The following LRPPRC variants were observed in gnomAD, a reference collection of about 807,000 sequenced individuals.
LRPPRC encodes leucine rich pentatricopeptide repeat containing.
LRPPRC carries 120 observed loss-of-function variants against 180.3 expected under a neutral mutation model. The ratio of observed to expected loss-of-function variants is 0.67; its 90% CI spans 0.57 to 0.77. The LOEUF is 0.77. LRPPRC is among the 30% of genes least tolerant of loss of function. LRPPRC has a pLI of 0.00. For missense variants in LRPPRC, 2,012 were observed against 1,657.2 expected (o/e 1.21, Z -3.72); for synonymous variants, 723 against 600.0 (o/e 1.21, Z -3.00).
In LRPPRC at chr2:43,925,804, C is replaced by T. The variant is rs190847395; in HGVS notation, c.2805+89G>A. On this transcript the variant is annotated intron_variant, in intron 26 of 37. Transcript: ENST00000260665. ...ACTGCTTCCACAATGCCCTGTCTCT[C>T]GAAGTCCCCAAATCTTCATGTGATA... The T allele has an allele frequency of 1.3e-3, 1,080 of 852,344 alleles. 7 individuals carry two copies. The highest frequency in any genetic ancestry group is 2.7e-4 in the Admixed American group (16 of 58,884). 52.8% of individuals were successfully genotyped at this position (852,344 alleles called of 1,614,324 possible).
chr2:43,990,013 G>C (rs1674700378), intron 1 of LRPPRC, among the ~76,000 whole-genome samples: 1 of 152,068 alleles, frequency 6.6e-6, no homozygotes, highest in South Asian at 2.1e-4. Context: ...AGGATTTCGA[G>C]ACCAGCCTGG....
chr2:43,991,289 C>A (rs1372454089), intron 1 of LRPPRC, among the ~76,000 whole-genome samples: 3 of 152,084 alleles, frequency 2.0e-5, no homozygotes, highest in Admixed American at 2.0e-4. Context: ...GCCTCGGCCT[C>A]CCAAAGTGCT....
chr2:43,954,839 A>C (rs1202711815), intron 14 of LRPPRC, among the ~76,000 whole-genome samples: 2 of 152,202 alleles, frequency 1.3e-5, no homozygotes, highest in African/African-American at 2.4e-5. Flanking sequence ...AAATGCTTAG[A>C]TTTATATCAG....
chr2:43,947,108 A>C (rs1672706737), intron 20 of LRPPRC, 149 bp downstream of exon 20: 1 of 560,080 alleles, frequency 1.8e-6, no homozygotes. Flanking sequence ...GTGTAGCTGA[A>C]ATTAGTTAAC....
chr2:43,902,906 A>G (rs1168682641), intron 31 of LRPPRC: 2 of 152,206 alleles, frequency 1.3e-5, no homozygotes, highest in East Asian at 3.9e-4. Context: ...CATTTACTAC[A>G]TGCCAGGCAC....
At chr2:43,914,931 C>T (rs946078619) in intron 29 of LRPPRC, among the ~76,000 whole-genome samples, 4 of 149,588 alleles carry the variant, frequency 2.7e-5, no homozygotes, top group Non-Finnish European at 4.5e-5. Flanking sequence ...AGAGGACGGG[C>T]GTGGTGGTGG....
In LRPPRC at chr2:43,918,061, C is replaced by G; in HGVS notation, c.3112G>C (p.Asp1038His). The change falls in exon 29 of 38, where the codon GAT becomes CAT. Residue 1038 changes from aspartate to histidine, a missense_variant. Transcript: ENST00000260665. The stretch of plus-strand genomic sequence containing the variant: ...TTCAATCGGCAGGCAATCAATATAT[C>G]TTTCTGGAAATCAGGTTCTGTGGTT... ...ASTTEPDFQK[D>H]ILIACRLNQK... 1 of 1,607,708 alleles carries G rather than the reference C, an allele frequency of 6.2e-7. No homozygotes were observed. The highest frequency in any genetic ancestry group is 1.1e-5 in the South Asian group (1 of 90,960).
intron 11 of LRPPRC, among the ~76,000 whole-genome samples, chr2:43,968,730 G>A (rs1426891187): frequency 6.6e-6 from 1 of 152,162 alleles, no homozygotes; most frequent in Admixed American, 6.5e-5. Context: ...ACTAGGGTGA[G>A]GGAGATATTG....
chr2:43,960,197 G>A (rs1368553919), intron 13 of LRPPRC, among the ~76,000 whole-genome samples: 1 of 152,160 alleles, frequency 6.6e-6, no homozygotes, highest in Admixed American at 6.5e-5. Flanking sequence ...ACTCCCCCAA[G>A]TTAGGTAGTA....
chr2:43,986,728 C>T (rs546613716), intron 1 of LRPPRC, among the ~76,000 whole-genome samples: 2 of 151,882 alleles, frequency 1.3e-5, no homozygotes, highest in African/African-American at 4.8e-5. Flanking sequence ...CATTCTGAAA[C>T]GAACTCAACG....
At chr2:43,932,778 T>C (rs1377002428) in intron 25 of LRPPRC, among the ~76,000 whole-genome samples, 3 of 152,206 alleles carry the variant, frequency 2.0e-5, no homozygotes, top group Non-Finnish European at 4.4e-5. Context: ...CTTTTATACA[T>C]GAGGAAGCTT....
At chr2:43,921,565 AAAAATACATGG>A (rs1170726486) in intron 27 of LRPPRC, among the ~76,000 whole-genome samples, 1 of 152,224 alleles carries the variant, frequency 6.6e-6, no homozygotes, top group African/African-American at 2.4e-5. Flanking sequence ...TACATACATA[AAAAATACATGG>A]ATATAAAGGT....
chr2:43,931,897 T>C (rs369774115), intron 25 of LRPPRC, among the ~76,000 whole-genome samples: 4 of 151,932 alleles, frequency 2.6e-5, no homozygotes, highest in African/African-American at 9.7e-5. Flanking sequence ...CTTCCCTCCT[T>C]CCTTTCCTTC....
At position 43,931,003 on chromosome 2, in the gene LRPPRC, TC is replaced by T. The variant is rs1176099084; in HGVS notation, c.2736+3186del. Among the ~76,000 whole-genome samples the T allele has an allele frequency of 3.3e-5, 5 of 152,256 alleles. No individual in the cohort carries two copies. In the East Asian group the frequency reaches 9.6e-4, roughly 29 times the overall value. On this transcript the variant is annotated intron_variant, in intron 25 of 37. Transcript: ENST00000260665. ...AAGTATCACTTTTTGGGTTACTCAT[TC>T]TTTTTTTTCCAAGACCAGACATTAA...
chr2:43,899,661 C>A, intron 32 of LRPPRC, 56 bp from the exon 33 acceptor site: 1 of 1,181,422 alleles, frequency 8.5e-7, no homozygotes. Context: ...ATATTACAGG[C>A]AGTTTAGTCT....
intron 2 of LRPPRC, among the ~76,000 whole-genome samples, chr2:43,981,271 G>GA (rs1559054534): frequency 6.7e-5 from 10 of 149,554 alleles, no homozygotes; most frequent in African/African-American, 2.3e-4. Context: ...TACAATGGAA[G>GA]GTAAGAAAAA....
Position 43,918,135 on chromosome 2 carries a change from T to G in LRPPRC, c.3040-2A>C. 1 of 1,612,396 alleles carries G rather than the reference T, an allele frequency of 6.2e-7. No homozygotes were observed. Among genetic ancestry groups the G allele is most frequent in the Non-Finnish European group, 8.5e-7 (1 of 1,178,476 alleles). Reference sequence around the variant, plus strand: ...ATGTTTTTCATCTTCATACCACAACTTTAAAACAAAGTTATTCTGTTAAAT... The same window carrying G: ...ATGTTTTTCATCTTCATACCACAACGTTAAAACAAAGTTATTCTGTTAAAT... On this transcript the variant is annotated splice_acceptor_variant, in intron 28 of 37. Coordinates refer to ENST00000260665, the MANE Select transcript of LRPPRC (RefSeq NM_133259.4). LOFTEE classifies it high-confidence loss of function.
chr2:43,974,353 A>C, intron 8 of LRPPRC, 58 bp from the exon 9 acceptor site: 1 of 1,263,156 alleles, frequency 7.9e-7, no homozygotes, highest in Non-Finnish European at 1.2e-6. Context: ...TTTACACTGC[A>C]ACCAATGTTC....
intron 13 of LRPPRC, 111 bp downstream of exon 13, chr2:43,960,430 T>C: frequency 1.3e-6 from 1 of 743,276 alleles, no homozygotes; most frequent in East Asian, 2.5e-5. Context: ...AGTCTGGCTT[T>C]AACAAAACAT....
Sources: allele counts gnomAD v4.1 joint callset (sites outside exome capture counted in the v4.1 genomes callset), GRCh38; gene constraint gnomAD v4.1.1; transcripts MANE v1.5; gene names NCBI Gene and HGNC (gene_info 2026-07-23, HGNC 2026-07-21).